SCG5: variants seen among roughly 807,000 people sequenced by gnomAD.
SCG5 encodes the protein secretogranin V.
In SCG5, 18 loss-of-function variants were observed where a neutral mutation model predicts 25.7. That is an observed-to-expected ratio of 0.70 (90% CI 0.48 to 1.04). SCG5 has a LOEUF of 1.04. Among genes scored for constraint, SCG5 ranks in the 50% least tolerant of loss-of-function variants. The pLI, the probability that SCG5 is intolerant of heterozygous loss-of-function variation, is 0.00. For missense variants in SCG5, 206 were observed against 259.8 expected, an observed-to-expected ratio of 0.79 and a Z score of 1.42; for synonymous variants, 101 against 91.7, an observed-to-expected ratio of 1.10 and a Z score of -0.58.
intron 2 of SCG5, among the ~76,000 whole-genome samples, chr15:32,673,468 G>A (rs993521016): frequency 6.6e-6 from 1 of 151,306 alleles, no homozygotes; most frequent in African/African-American, 2.4e-5. Context: ...TGTGAGGAAT[G>A]CAGAATCTCA....
chr15:32,661,481 G>C (rs576835214), intron 2 of SCG5, among the ~76,000 whole-genome samples: 65 of 152,298 alleles, frequency 4.3e-4, no homozygotes, highest in South Asian at 2.1e-3. Context: ...TAAGCCGGTT[G>C]TGGTGGTGCA....
chr15:32,672,893 C>G (rs2054458266), intron 2 of SCG5: 1 of 133,418 alleles, frequency 7.5e-6, no homozygotes, highest in Non-Finnish European at 1.5e-5. Context: ...CACTTTGAAA[C>G]TGTTGAAACC....
At chr15:32,695,115 C>T (rs1330881312) in intron 5 of SCG5, among the ~76,000 whole-genome samples, 1 of 151,696 alleles carries the variant, frequency 6.6e-6, no homozygotes, top group Non-Finnish European at 1.5e-5. Context: ...TCCCAGGTTC[C>T]TGCCATTCTC....
intron 2 of SCG5, among the ~76,000 whole-genome samples, chr15:32,654,413 G>A (rs1429446126): frequency 6.6e-6 from 1 of 152,162 alleles, no homozygotes; most frequent in Non-Finnish European, 1.5e-5. Flanking sequence ...AATTTTAAGA[G>A]GAACACAAAC....
rs2054272050 is a variant in SCG5, at chr15:32,663,490, A to C, written c.227-16276A>C. On this transcript the variant is annotated intron_variant, in intron 2 of 5. Transcript: ENST00000300175. ...CCAGCTTGACTTTGTGGCAGGAGGC[A>C]TCAGGGTATCCAGATAGACTTACTG... Among the ~76,000 whole-genome samples the C allele has an allele frequency of 2.0e-5, 3 of 152,302 alleles. No homozygotes were observed. The East Asian group carries it at 5.8e-4, about 29-fold the overall frequency.
intron 2 of SCG5, among the ~76,000 whole-genome samples, chr15:32,658,075 G>T (rs2054154954): frequency 6.6e-6 from 1 of 152,038 alleles, no homozygotes; most frequent in South Asian, 2.1e-4. Context: ...CAAAGATTAG[G>T]AGTAACGAAG....
At chr15:32,663,032 A>AATATATAT (rs67571496) in intron 2 of SCG5, among the ~76,000 whole-genome samples, 94 of 79,176 alleles carry the variant, frequency 1.2e-3, no homozygotes, top group East Asian at 1.7e-3. Flanking sequence ...AAAAAAAAAG[A>AATATATAT]ATATATATAT....
chr15:32,663,142 A>G (rs1406728253), intron 2 of SCG5, among the ~76,000 whole-genome samples: 1 of 148,848 alleles, frequency 6.7e-6, no homozygotes, highest in Admixed American at 6.7e-5. Context: ...TATATAATAT[A>G]TGAATGGCAG....
At chr15:32,657,209 A>ATATGTATGTATG (rs1555433849) in intron 2 of SCG5, among the ~76,000 whole-genome samples, 1 of 38,726 alleles carries the variant, frequency 2.6e-5, no homozygotes, top group African/African-American at 5.8e-5. Flanking sequence ...GTATATATAT[A>ATATGTATGTATG]TATGTATGTA....
intron 2 of SCG5, among the ~76,000 whole-genome samples, chr15:32,660,947 A>G (rs2054206329): frequency 6.6e-6 from 1 of 152,266 alleles, no homozygotes; most frequent in South Asian, 2.1e-4. Flanking sequence ...TTTAAAGGGT[A>G]GAATATATTC....
Position 32,687,020 on chromosome 15 carries a change from T to C in SCG5, c.489+2351T>C, listed in dbSNP as rs536348654. On this transcript the variant is annotated intron_variant, in intron 4 of 5. Transcript: ENST00000300175. The stretch of plus-strand genomic sequence containing the variant: ...GGCACTAAGGAGGGCAGCACTGAAG[T>C]TTCAGGTGGGAAAGTCTTCAGCTTC... 1.4e-4 allele frequency among the ~76,000 whole-genome samples: 21 copies of C among 152,072 alleles called. No homozygotes were observed. The South Asian group carries it at 4.4e-3, about 32-fold the overall frequency.
chr15:32,696,493 T>C, intron 5 of SCG5, 21 bp from the exon 6 acceptor site: 1 of 1,543,746 alleles, frequency 6.5e-7, no homozygotes, highest in Non-Finnish European at 8.9e-7. Context: ...ACCACATGGT[T>C]TTTGTTTGTT....
At chr15:32,642,080 A>G (rs2053872516) in intron 1 of SCG5, among the ~76,000 whole-genome samples, 1 of 152,162 alleles carries the variant, frequency 6.6e-6, no homozygotes, top group South Asian at 2.1e-4. Flanking sequence ...TCAGAATTGC[A>G]GATTTTGCTG....
chr15:32,679,895 C>G lies in SCG5; in HGVS notation c.356C>G (p.Pro119Arg). The G allele has an allele frequency of 6.2e-7, 1 of 1,612,512 alleles. No homozygotes were observed. The highest frequency in any genetic ancestry group is 8.5e-7 in the Non-Finnish European group (1 of 1,179,316). ...CAGGGGTACCCAGACCCTCCAAATC[C>G]CTGTCCTGTTGGAAAAACAGGTAAC... ...EDQGYPDPPN[P>R]CPVGKTADDG... The change falls in exon 3 of 6, where the codon CCC becomes CGC. Residue 119 changes from proline (P) to arginine (R), a missense_variant. Coordinates refer to ENST00000300175, the MANE Select transcript of SCG5 (RefSeq NM_001144757.3).
At chr15:32,688,821 C>T (rs151196605) in intron 4 of SCG5, among the ~76,000 whole-genome samples, 8,251 of 151,878 alleles carry the variant, frequency 0.054, 277 homozygotes, top group Non-Finnish European at 0.071. Flanking sequence ...TAGCCGGGCG[C>T]GGTGGCGGGT....
chr15:32,681,330 G>A (rs2140574731), intron 3 of SCG5, among the ~76,000 whole-genome samples: 1 of 152,180 alleles, frequency 6.6e-6, no homozygotes, highest in East Asian at 1.9e-4. Context: ...TTAGAGAGTA[G>A]CTTGCATAAG....
At chr15:32,657,199 G>GTATATATATACATATATATA (rs2054132056) in intron 2 of SCG5, among the ~76,000 whole-genome samples, 2 of 6,674 alleles carry the variant, frequency 3.0e-4, no homozygotes, top group Admixed American at 2.3e-3. Context: ...TCATCCTCCT[G>GTATATATATACATATATATA]TATATATATA....
intron 2 of SCG5, among the ~76,000 whole-genome samples, chr15:32,652,244 G>A (rs1033634641): frequency 6.6e-6 from 1 of 152,144 alleles, no homozygotes; most frequent in East Asian, 1.9e-4. Flanking sequence ...GCTTTGGGCA[G>A]AGCCGGCTCT....
intron 1 of SCG5, 140 bp from the exon 2 acceptor site, chr15:32,643,446 C>T (rs2140492996): frequency 3.0e-6 from 2 of 656,968 alleles, no homozygotes; most frequent in South Asian, 3.7e-5. Context: ...AAGACAAAAG[C>T]AACCTCCTAA....
Sources: gnomAD v4.1 joint callset for allele counts (sites outside exome capture counted in the v4.1 genomes callset) on GRCh38, gnomAD v4.1.1 for gene constraint, MANE v1.5 for transcripts, NCBI Gene and HGNC (gene_info 2026-07-23, HGNC 2026-07-21) for gene names.